NPEPPS: variants seen among roughly 807,000 people sequenced by gnomAD.
The protein encoded by NPEPPS is puromycin-sensitive aminopeptidase.
A neutral mutation model predicts 115.5 loss-of-function variants in NPEPPS; 14 were observed. That is an observed-to-expected ratio of 0.12 (90% CI 0.08 to 0.19). NPEPPS has a LOEUF of 0.19. Ranked by LOEUF, NPEPPS falls within the 10% of genes least tolerant of loss-of-function variation. The pLI, the probability that NPEPPS is intolerant of heterozygous loss-of-function variation, is 1.00. For missense variants in NPEPPS, 523 were observed against 1,110.8 expected (o/e 0.47, Z 7.52); for synonymous variants, 285 against 390.6 (o/e 0.73, Z 3.19).
At chr17:47,556,193 C>G (rs1363917266) in intron 2 of NPEPPS, among the ~76,000 whole-genome samples, 2 of 148,748 alleles carry the variant, frequency 1.3e-5, no homozygotes, top group Non-Finnish European at 3.0e-5. Flanking sequence ...GAACAAAGGT[C>G]TCTGGTTTTC....
chr17:47,587,130 G>A (rs1421645717), intron 8 of NPEPPS, 100 bp from the exon 9 acceptor site: 1 of 1,121,626 alleles, frequency 8.9e-7, no homozygotes, highest in African/African-American at 1.6e-5. Context: ...TATCTCTAAA[G>A]CCTAACTTGT....
At chr17:47,564,094 T>G (rs1910636110) in intron 2 of NPEPPS, among the ~76,000 whole-genome samples, 1 of 151,734 alleles carries the variant, frequency 6.6e-6, no homozygotes, top group Admixed American at 6.6e-5. Flanking sequence ...CACCATGCCC[T>G]GCTAATTTTT....
At chr17:47,534,152 C>T (rs561322485) in intron 1 of NPEPPS, among the ~76,000 whole-genome samples, 1 of 151,576 alleles carries the variant, frequency 6.6e-6, no homozygotes, top group Admixed American at 6.6e-5. Context: ...AGTGCAGTGG[C>T]ACGATCTCGC....
At chr17:47,532,312 AG>A (rs1907862212) in intron 1 of NPEPPS, among the ~76,000 whole-genome samples, 1 of 151,952 alleles carries the variant, frequency 6.6e-6, no homozygotes, top group Non-Finnish European at 1.5e-5. Flanking sequence ...CGGCCTTCGA[AG>A]CTGGTGGATT....
Position 47,605,539 on chromosome 17 carries a change from C to G in NPEPPS, c.2082C>G (p.Pro694=), listed in dbSNP as rs766428068. ...SPIGERLGWD[P]KPGEGHLDAL... ...TAGGGGAGAGACTGGGCTGGGACCC[C>G]AAACCTGGAGAAGGTAATGGATATA... Residue 694 remains proline (P), a synonymous_variant, in exon 17 of 23, where the codon CCC becomes CCG. Coordinates refer to ENST00000322157, the MANE Select transcript of NPEPPS (RefSeq NM_006310.4). 24 of 1,587,362 alleles carry G rather than the reference C, an allele frequency of 1.5e-5. No homozygotes were observed. Among genetic ancestry groups the G allele is most frequent in the Admixed American group, 1.8e-5 (1 of 56,034 alleles).
chr17:47,613,274 T>TC (rs1449860932), intron 18 of NPEPPS, among the ~76,000 whole-genome samples: 2 of 142,334 alleles, frequency 1.4e-5, no homozygotes, highest in East Asian at 2.0e-4. Flanking sequence ...TTTTTTTTTT[T>TC]TTTTTTTCTG....
intron 2 of NPEPPS, among the ~76,000 whole-genome samples, chr17:47,551,492 TAG>T (rs1909645307): frequency 7.3e-6 from 1 of 137,168 alleles, no homozygotes; most frequent in East Asian, 2.1e-4. Context: ...TTATTTGAGA[TAG>T]AGTCTCACTC....
intron 1 of NPEPPS, among the ~76,000 whole-genome samples, chr17:47,544,338 G>T (rs1185324610): frequency 2.0e-5 from 3 of 152,084 alleles, no homozygotes; most frequent in Non-Finnish European, 4.4e-5. Context: ...ACACTCGGCG[G>T]TAAGAGTTAT....
At chr17:47,583,642 C>G (rs1912020281) in intron 5 of NPEPPS, among the ~76,000 whole-genome samples, 1 of 151,448 alleles carries the variant, frequency 6.6e-6, no homozygotes, top group Non-Finnish European at 1.5e-5. Context: ...AAGCCAGGTA[C>G]AGTGACTCTT....
chr17:47,560,623 C>T (rs1200133168), intron 2 of NPEPPS, among the ~76,000 whole-genome samples: 1 of 152,144 alleles, frequency 6.6e-6, no homozygotes, highest in East Asian at 1.9e-4. Flanking sequence ...ACTTGAATCC[C>T]CCTTGGATAT....
chr17:47,586,790 G>A, intron 8 of NPEPPS: 1 of 462,860 alleles, frequency 2.2e-6, no homozygotes, highest in Non-Finnish European at 4.3e-6. Flanking sequence ...GAGTCTGTCT[G>A]TAAACAAGTT....
In NPEPPS at chr17:47,596,438, C is replaced by G. The variant is rs1185906960; in HGVS notation, c.1512C>G (p.Pro504=). 6.3e-7 allele frequency: 1 copy of G among 1,587,280 alleles called. No homozygotes were observed. The highest frequency in any genetic ancestry group is 1.8e-5 in the Admixed American group (1 of 56,558). The change falls in exon 13 of 23, where the codon CCC becomes CCG. Residue 504 remains proline (P), a synonymous_variant. Transcript: ENST00000322157. The part of the protein sequence containing the change: ...MNTWTKQMGF[P]LIYVEAEQVE... ...CCTGGACCAAACAAATGGGATTTCC[C>G]CTCATTTATGTGGAAGCTGAACAGG...
intron 1 of NPEPPS, among the ~76,000 whole-genome samples, chr17:47,534,236 T>C (rs1240458274): frequency 6.6e-6 from 1 of 151,966 alleles, no homozygotes; most frequent in Admixed American, 6.6e-5. Context: ...GGACTACAGG[T>C]GCCCGCCACT....
intron 14 of NPEPPS, 76 bp downstream of exon 14, chr17:47,599,815 A>T (rs758040409): frequency 6.2e-5 from 76 of 1,221,394 alleles, no homozygotes; most frequent in Non-Finnish European, 8.3e-5. Flanking sequence ...TCCAACTAAT[A>T]GGAAATTTTT....
At chr17:47,582,992 A>G (rs1164269308) in intron 5 of NPEPPS, 143 bp downstream of exon 5, 3 of 513,242 alleles carry the variant, frequency 5.8e-6, no homozygotes, top group African/African-American at 4.0e-5. Context: ...TTTATTTTCA[A>G]TAAGCCTCTT....
At chr17:47,617,226 C>T (rs1914263887) in intron 19 of NPEPPS, among the ~76,000 whole-genome samples, 1 of 152,078 alleles carries the variant, frequency 6.6e-6, no homozygotes, top group African/African-American at 2.4e-5. Flanking sequence ...CTTTATGCTT[C>T]TCTGTCTTTC....
intron 5 of NPEPPS, among the ~76,000 whole-genome samples, chr17:47,584,153 G>A (rs367578972): frequency 1.3e-5 from 2 of 150,734 alleles, no homozygotes; most frequent in East Asian, 3.9e-4. Flanking sequence ...CCTGGGAGGT[G>A]GAGGCTGCAG....
At chr17:47,618,287 T>A in intron 19 of NPEPPS, 63 bp from the exon 20 acceptor site, 1 of 1,082,876 alleles carries the variant, frequency 9.2e-7, no homozygotes, top group Admixed American at 2.0e-5. Context: ...GAAGCTCATA[T>A]AATCATATGC....
rs755545688 is a variant in NPEPPS, at chr17:47,622,540, C to T, written c.*620C>T. On this transcript the variant is annotated 3_prime_UTR_variant, in exon 23 of 23. Coordinates refer to ENST00000322157, the MANE Select transcript of NPEPPS (RefSeq NM_006310.4). ...TTGCCTTCCCTTCTGTGTGACCGAC[C>T]CCTTGGCCAAAAAAAAACAAAAAGC... 1.6e-5 allele frequency: 4 copies of T among 246,832 alleles called. No homozygotes were observed. Among genetic ancestry groups the T allele is most frequent in the Non-Finnish European group, 3.1e-5 (4 of 128,106 alleles). The allele number at this position is 246,832 out of a possible 1,614,324, so 15.3% of individuals were successfully genotyped here. A position where few individuals can be genotyped will look rare whatever the true frequency, so the allele number is the denominator to read the frequency against.
Sources: allele counts gnomAD v4.1 joint callset (sites outside exome capture counted in the v4.1 genomes callset), GRCh38; gene constraint gnomAD v4.1.1; transcripts MANE v1.5; gene names NCBI Gene and HGNC (gene_info 2026-07-23, HGNC 2026-07-21).